The following PTPRN2 variants were observed in gnomAD, a reference collection of about 807,000 sequenced individuals.
The protein encoded by PTPRN2 is receptor-type tyrosine-protein phosphatase N2.
A neutral mutation model predicts 118.8 loss-of-function variants in PTPRN2; 74 were observed. That is an observed-to-expected ratio of 0.62 (90% CI 0.52 to 0.76). The LOEUF (loss-of-function observed/expected upper bound fraction) is 0.76, where lower values mean the gene tolerates loss of function less well. PTPRN2 is among the 30% of genes least tolerant of loss of function. The pLI, the probability that PTPRN2 is intolerant of heterozygous loss-of-function variation, is 0.00. For missense variants in PTPRN2, 1,481 were observed against 1,394.4 expected, an observed-to-expected ratio of 1.06 and a Z score of -0.99; for synonymous variants, 641 against 608.0, an observed-to-expected ratio of 1.05 and a Z score of -0.80.
chr7:157,728,369 G>A (rs978456451), intron 12 of PTPRN2, among the ~76,000 whole-genome samples: 6 of 152,352 alleles, frequency 3.9e-5, no homozygotes, highest in African/African-American at 1.4e-4. Flanking sequence ...GAAAGGACAA[G>A]CCCACAGCAT....
chr7:158,310,464 T>C (rs1315526372), intron 3 of PTPRN2, among the ~76,000 whole-genome samples: 1 of 152,202 alleles, frequency 6.6e-6, no homozygotes, highest in African/African-American at 2.4e-5. Context: ...CATGGCCGAA[T>C]GCGTTCATGC....
intron 3 of PTPRN2, among the ~76,000 whole-genome samples, chr7:158,207,122 T>TA (rs1429676271): frequency 6.7e-5 from 10 of 148,546 alleles, no homozygotes; most frequent in Admixed American, 6.0e-4. Context: ...TCCATGTCCC[T>TA]ACAAAGGACA....
intron 12 of PTPRN2, among the ~76,000 whole-genome samples, chr7:157,708,230 G>A (rs1190221502): frequency 6.6e-6 from 1 of 152,234 alleles, no homozygotes; most frequent in Non-Finnish European, 1.5e-5. Flanking sequence ...CCCTTCTGAA[G>A]CTCAGGCACA....
At position 158,138,068 on chromosome 7, in the gene PTPRN2, C is replaced by T. The variant is rs17847422; in HGVS notation, c.1132+226G>A. Among the ~76,000 whole-genome samples the T allele has an allele frequency of 3.2e-4, 48 of 152,352 alleles. No individual in the cohort carries two copies. The East Asian group carries it at 8.3e-3, about 26-fold the overall frequency. On this transcript the variant is annotated intron_variant, in intron 7 of 22. Transcript: ENST00000389418. ...TCAGCATGGAGGAGTGAAACCTCCT[C>T]GCAGAGAGCAATTTGCCATTCAACA...
Position 158,470,838 on chromosome 7 carries a change from AT to A in PTPRN2, c.163+18896del, listed in dbSNP as rs112598536. 4.8e-3 allele frequency among the ~76,000 whole-genome samples: 684 copies of A among 143,506 alleles called. 1 individual carries two copies. The highest frequency in any genetic ancestry group is 7.0e-3 in the Middle Eastern group (2 of 284). The allele number at this position is 143,506 out of a possible 152,430, so 94.1% of individuals were successfully genotyped here. ...CCGTGAGATTTTATAGATCACATGG[AT>A]TTTTTTTTTTTTTAGATGAGGTCTT... On this transcript the variant is annotated intron_variant, in intron 2 of 22. Transcript: ENST00000389418.
At chr7:157,931,708 G>C (rs909619298) in intron 11 of PTPRN2, among the ~76,000 whole-genome samples, 8 of 152,276 alleles carry the variant, frequency 5.3e-5, no homozygotes, top group African/African-American at 1.9e-4. Context: ...GAGACAGTTA[G>C]AGGTGTAGCT....
intron 5 of PTPRN2, among the ~76,000 whole-genome samples, chr7:158,171,316 T>TATATATACATAC (rs1823662410): frequency 1.1e-5 from 1 of 92,062 alleles, no homozygotes; most frequent in African/African-American, 4.7e-5. Flanking sequence ...CACATATATA[T>TATATATACATAC]ATATATATAT....
intron 1 of PTPRN2, among the ~76,000 whole-genome samples, chr7:158,581,019 G>A (rs897047116): frequency 2.0e-5 from 3 of 152,256 alleles, no homozygotes; most frequent in Non-Finnish European, 2.9e-5. Context: ...TAAAATCTCC[G>A]TGGCCTGAGG....
chr7:158,404,105 A>C (rs1813163152), intron 2 of PTPRN2, among the ~76,000 whole-genome samples: 1 of 152,208 alleles, frequency 6.6e-6, no homozygotes, highest in African/African-American at 2.4e-5. Context: ...CTATAATAAA[A>C]GGTATCGCCG....
At chr7:157,803,256 C>T (rs1805429924) in intron 12 of PTPRN2, among the ~76,000 whole-genome samples, 1 of 152,232 alleles carries the variant, frequency 6.6e-6, no homozygotes, top group Non-Finnish European at 1.5e-5. Context: ...TGAGCCACCA[C>T]ACCCAGCCAC....
At chr7:157,919,096 G>A (rs1363143812) in intron 11 of PTPRN2, among the ~76,000 whole-genome samples, 1 of 152,252 alleles carries the variant, frequency 6.6e-6, no homozygotes, top group East Asian at 1.9e-4. Flanking sequence ...GTCCTACAGC[G>A]GGCCCGAGAA....
Position 157,676,379 on chromosome 7 carries a change from G to A in PTPRN2, c.2001+6346C>T, listed in dbSNP as rs1034156090. The stretch of plus-strand genomic sequence containing the variant: ...TGTCATCTCCAAGGATTTGATTTCA[G>A]TTTCACACGAATCACCTCCTAGTGA... On this transcript the variant is annotated intron_variant, in intron 13 of 22. Transcript: ENST00000389418. This position sits in a 1 kb window ranked among gnomAD's most constrained non-coding sequence, Gnocchi z 5.6. Among the ~76,000 whole-genome samples the A allele has an allele frequency of 6.6e-6, 1 of 152,168 alleles. No homozygotes were observed. Among genetic ancestry groups the A allele is most frequent in the Non-Finnish European group, 1.5e-5 (1 of 68,026 alleles).
rs186016988 is a variant in PTPRN2, at chr7:158,296,233, G to T, written c.277+20586C>A. ...AAGCAGCTCCCCAAGACCCTAGTGG[G>T]CAAAGACACAAGGGCTGGATGTCAA... is the stretch of plus-strand genomic sequence containing the variant. On this transcript the variant is annotated intron_variant, in intron 3 of 22. Transcript: ENST00000389418. 2.0e-5 allele frequency among the ~76,000 whole-genome samples: 3 copies of T among 152,240 alleles called. No homozygotes were observed. In the East Asian group the frequency reaches 5.8e-4, roughly 30 times the overall value.
intron 5 of PTPRN2, among the ~76,000 whole-genome samples, chr7:158,171,068 T>C (rs201573095): frequency 1.4e-5 from 1 of 69,136 alleles, no homozygotes; most frequent in Non-Finnish European, 2.9e-5. Context: ...TATATACACA[T>C]TATATACACA....
At position 157,674,404 on chromosome 7, in the gene PTPRN2, G is replaced by T. The variant is rs1220990257; in HGVS notation, c.2001+8321C>A. Among the ~76,000 whole-genome samples the T allele has an allele frequency of 3.9e-5, 6 of 152,174 alleles. No homozygotes were observed. The highest frequency in any genetic ancestry group is 3.9e-4 in the Admixed American group (6 of 15,284). On this transcript the variant is annotated intron_variant, in intron 13 of 22. Coordinates refer to ENST00000389418, the MANE Select transcript of PTPRN2 (RefSeq NM_002847.5). The surrounding 1 kb of genome is among the most constrained non-coding windows in gnomAD (Gnocchi z 4.5). ...TGACATTTGGAAATGACTTTCATCT[G>T]CTGGGTCCTCCTCGGTTTGACGTGC...
At chr7:158,348,143 C>A (rs1425114371) in intron 2 of PTPRN2, among the ~76,000 whole-genome samples, 5 of 152,114 alleles carry the variant, frequency 3.3e-5, no homozygotes, top group Non-Finnish European at 7.4e-5. Flanking sequence ...TTGCTAAGCC[C>A]TGTGAACAGG....
intron 1 of PTPRN2, among the ~76,000 whole-genome samples, chr7:158,512,337 A>T (rs1823237997): frequency 6.6e-6 from 1 of 152,246 alleles, no homozygotes; most frequent in East Asian, 1.9e-4. Flanking sequence ...AACAGCTGGC[A>T]GGTGGCAGGA....
At chr7:158,328,917 C>A (rs1048610194) in intron 2 of PTPRN2, among the ~76,000 whole-genome samples, 1 of 151,208 alleles carries the variant, frequency 6.6e-6, no homozygotes, top group African/African-American at 2.4e-5. Context: ...CCAGTGAGGC[C>A]TGGGACGGTA....
chr7:157,702,440 G>A (rs1294875711), intron 12 of PTPRN2, among the ~76,000 whole-genome samples: 1 of 152,242 alleles, frequency 6.6e-6, no homozygotes, highest in Non-Finnish European at 1.5e-5. Flanking sequence ...GAACATGGGT[G>A]TCTCCCCTCA....
Sources: allele counts gnomAD v4.1 joint callset (sites outside exome capture counted in the v4.1 genomes callset), GRCh38; gene constraint gnomAD v4.1.1; non-coding constraint Gnocchi (gnomAD v3.1); transcripts MANE v1.5; gene names NCBI Gene and HGNC (gene_info 2026-07-23, HGNC 2026-07-21).